The following MAP2K5 variants were observed in gnomAD, a reference collection of about 807,000 sequenced individuals.
MAP2K5 encodes the protein mitogen-activated protein kinase kinase 5, also known as dual specificity mitogen-activated protein kinase kinase 5.
A neutral mutation model predicts 83.1 loss-of-function variants in MAP2K5; 49 were observed. The observed-to-expected ratio is 0.59, with a 90% CI of 0.47 to 0.75. The LOEUF (loss-of-function observed/expected upper bound fraction) is 0.75, where lower values mean the gene tolerates loss of function less well. Among genes scored for constraint, MAP2K5 ranks in the 30% least tolerant of loss-of-function variants. The pLI is 0.00. For missense variants in MAP2K5, 457 were observed against 557.5 expected (o/e 0.82, Z 1.82); for synonymous variants, 202 against 191.8 (o/e 1.05, Z -0.44).
chr15:67,728,035 T>C (rs180848911), intron 17 of MAP2K5, 90 bp downstream of exon 17: 4 of 1,059,012 alleles, frequency 3.8e-6, no homozygotes, highest in Non-Finnish European at 5.9e-6. Flanking sequence ...TTGAGCCACA[T>C]ACAAATAAAT....
chr15:67,748,232 T>G lies in MAP2K5; in HGVS notation c.1076T>G (p.Ile359Ser). 6.2e-7 allele frequency: 1 copy of G among 1,606,770 alleles called. No individual in the cohort carries two copies. Among genetic ancestry groups the G allele is most frequent in the East Asian group, 2.2e-5 (1 of 44,806 alleles). The change falls in exon 18 of 22, where the codon ATT becomes AGT. Residue 359 changes from isoleucine to serine, a missense_variant and splice_region_variant. Around this residue, in one of 3 missense-constraint regions of MAP2K5, gnomAD observed 168 missense variants for 263.0 expected, o/e 0.64. Transcript: ENST00000178640. The surrounding 1 kb of genome is among the most constrained non-coding windows in gnomAD (Gnocchi z 4.0). Reference protein sequence around the residue: ...LALGRFPYPQIQKNQGSLMPL... With the variant: ...LALGRFPYPQSQKNQGSLMPL... The stretch of plus-strand genomic sequence containing the variant: ...TAATTACATATTGCCTTTTTTCAGA[T>G]TCAGAAAAACCAGGGATCTTTAATG...
Position 67,592,641 on chromosome 15 carries a change from T to C in MAP2K5, c.432-285T>C, listed in dbSNP as rs146485042. 3.7e-3 allele frequency among the ~76,000 whole-genome samples: 571 copies of C among 152,356 alleles called. 4 individuals are homozygous for C. The highest frequency in any genetic ancestry group is 0.013 in the African/African-American group (548 of 41,580). On this transcript the variant is annotated intron_variant, in intron 6 of 21. Transcript: ENST00000178640. ...AAAGGCTATCTAAAGGCAGTAGAAC[T>C]AATGACCATAAAAATGTCACTGAAG...
chr15:67,632,974 A>C (rs1023778036), intron 9 of MAP2K5, among the ~76,000 whole-genome samples: 1 of 152,194 alleles, frequency 6.6e-6, no homozygotes, highest in African/African-American at 2.4e-5. Context: ...ATTTTCTTTG[A>C]CAGTTCAGCC....
At chr15:67,740,982 C>T (rs1315147663) in intron 17 of MAP2K5, among the ~76,000 whole-genome samples, 2 of 147,072 alleles carry the variant, frequency 1.4e-5, no homozygotes, top group African/African-American at 2.6e-5. Flanking sequence ...GAGCTGAGAT[C>T]GTGCCACTGC....
chr15:67,673,606 A>G (rs1399219415), intron 13 of MAP2K5, among the ~76,000 whole-genome samples: 1 of 152,174 alleles, frequency 6.6e-6, no homozygotes, highest in African/African-American at 2.4e-5. Context: ...AAAATAAATT[A>G]GGGAATGATT....
intron 21 of MAP2K5, among the ~76,000 whole-genome samples, chr15:67,804,172 T>C (rs1597000508): frequency 6.6e-6 from 1 of 152,146 alleles, no homozygotes; most frequent in Non-Finnish European, 1.5e-5. Flanking sequence ...GGACAGCACC[T>C]CCTGCTCTCG....
chr15:67,607,259 G>A (rs1025479294), intron 8 of MAP2K5, among the ~76,000 whole-genome samples: 18 of 152,234 alleles, frequency 1.2e-4, no homozygotes, highest in African/African-American at 2.4e-4. Context: ...TTATAGTATC[G>A]TGACAAGCAA....
In MAP2K5 at chr15:67,591,372, T is replaced by TTTA. The variant is rs572288335; in HGVS notation, c.432-1536_432-1534dup. 1.4e-3 allele frequency among the ~76,000 whole-genome samples: 207 copies of TTTA among 149,708 alleles called. 1 individual carries two copies. Among genetic ancestry groups the TTTA allele is most frequent in the Admixed American group, 6.8e-3 (103 of 15,074 alleles). ...AAAAAAAAAAGTAGAGTTAACAGGC[T>TTTA]TTATTATTATTATTATTATTGAGAT... is the stretch of plus-strand genomic sequence containing the variant. On this transcript the variant is annotated intron_variant, in intron 6 of 21. Transcript: ENST00000178640.
At chr15:67,580,307 G>T (rs573601624) in intron 3 of MAP2K5, among the ~76,000 whole-genome samples, 2 of 152,096 alleles carry the variant, frequency 1.3e-5, no homozygotes, top group Non-Finnish European at 2.9e-5. Context: ...CTGTGATTTC[G>T]ATTTCCATTA....
intron 13 of MAP2K5, chr15:67,680,088 T>G (rs1350188643): frequency 6.6e-6 from 1 of 152,242 alleles, no homozygotes; most frequent in Non-Finnish European, 1.5e-5. Context: ...GAAATCTTTG[T>G]GCCTGACTTC....
intron 6 of MAP2K5, chr15:67,588,012 C>T: frequency 1.3e-6 from 1 of 779,900 alleles, no homozygotes; most frequent in South Asian, 5.8e-5. Context: ...CATTCAGCCC[C>T]TCCTCCACCC....
intron 17 of MAP2K5, among the ~76,000 whole-genome samples, chr15:67,734,587 G>A (rs1300345212): frequency 6.6e-6 from 1 of 152,024 alleles, no homozygotes; most frequent in Non-Finnish European, 1.5e-5. Flanking sequence ...CTAGTATATT[G>A]TTACTAATTC....
Position 67,708,322 on chromosome 15 carries a change from TA to T in MAP2K5, c.1044+4928del, listed in dbSNP as rs200154926. Among the ~76,000 whole-genome samples, 1,322 of 141,882 alleles carry T rather than the reference TA, an allele frequency of 9.3e-3. 16 individuals carry two copies. Among genetic ancestry groups the T allele is most frequent in the East Asian group, 0.06 (298 of 4,966 alleles). The allele number at this position is 141,882 out of a possible 152,430, so 93.1% of individuals were successfully genotyped here. A position where few individuals can be genotyped will look rare whatever the true frequency, so the allele number is the denominator to read the frequency against. ...TAGTCAACAGAGCAAGATGCTGTCT[TA>T]AAAAAAAAAAAAATCAGATAGAGAC... On this transcript the variant is annotated intron_variant, in intron 16 of 21. Transcript: ENST00000178640. This position sits in a 1 kb window ranked among gnomAD's most constrained non-coding sequence, Gnocchi z 4.9.
rs1408856780 is a variant in MAP2K5, at chr15:67,652,252, T to C, written c.736+5783T>C. Among the ~76,000 whole-genome samples, 1 of 152,224 alleles carries C rather than the reference T, an allele frequency of 6.6e-6. No homozygotes were observed. The highest frequency in any genetic ancestry group is 2.4e-5 in the African/African-American group (1 of 41,456). On this transcript the variant is annotated intron_variant, in intron 11 of 21. Coordinates refer to ENST00000178640, the MANE Select transcript of MAP2K5 (RefSeq NM_145160.3). The surrounding 1 kb of genome is among the most constrained non-coding windows in gnomAD (Gnocchi z 4.2). ...GTGTTTTTTTTAAATTATGATATAA[T>C]ACTCATACAAAAATTTTAACCTTAT...
Position 67,665,276 on chromosome 15 carries a change from GA to G in MAP2K5, c.847+633del, listed in dbSNP as rs2087349461. The stretch of plus-strand genomic sequence containing the variant: ...ATGAGAGAATAATCAGATGAGTGTT[GA>G]ATATTGCAAAAGGAATCTCCTTTTG... On this transcript the variant is annotated intron_variant, in intron 13 of 21. Transcript: ENST00000178640. The surrounding 1 kb of genome is among the most constrained non-coding windows in gnomAD (Gnocchi z 4.2). Among the ~76,000 whole-genome samples, 1 of 152,090 alleles carries G rather than the reference GA, an allele frequency of 6.6e-6. No homozygotes were observed. Among genetic ancestry groups the G allele is most frequent in the Admixed American group, 6.6e-5 (1 of 15,264 alleles).
intron 1 of MAP2K5, chr15:67,546,436 C>G (rs747276704): frequency 4.9e-6 from 1 of 204,816 alleles, no homozygotes. Context: ...CTGAGTGTCT[C>G]GGACCTGAAG....
At chr15:67,737,411 T>C (rs3784706) in intron 17 of MAP2K5, among the ~76,000 whole-genome samples, 59,786 of 152,036 alleles carry the variant, frequency 0.39, 13,449 homozygotes, top group Non-Finnish European at 0.52. Context: ...TGGCCGAGCT[T>C]TGTTTGAGCA....
intron 13 of MAP2K5, among the ~76,000 whole-genome samples, chr15:67,666,210 C>T (rs2087374694): frequency 6.6e-6 from 1 of 152,118 alleles, no homozygotes; most frequent in Non-Finnish European, 1.5e-5. Context: ...GTAATGAAAT[C>T]CCTCTCTAGC....
intron 16 of MAP2K5, among the ~76,000 whole-genome samples, chr15:67,710,507 T>TG (rs1164362935): frequency 6.8e-6 from 1 of 146,212 alleles, no homozygotes; most frequent in East Asian, 2.0e-4. Flanking sequence ...GTTTTTTTTT[T>TG]TTTTTTTTTT....
Sources: gnomAD v4.1 joint callset for allele counts (sites outside exome capture counted in the v4.1 genomes callset) on GRCh38, gnomAD v4.1.1 for gene constraint, gnomAD v4.1.1 regional missense constraint, Gnocchi (gnomAD v3.1) non-coding constraint, MANE v1.5 for transcripts, NCBI Gene and HGNC (gene_info 2026-07-23, HGNC 2026-07-21) for gene names.